TULP4: variants seen among roughly 807,000 people sequenced by gnomAD.
TULP4 encodes the protein tubby-related protein 4.
A neutral mutation model predicts 129.0 loss-of-function variants in TULP4; 16 were observed. That is an observed-to-expected ratio of 0.12 (90% confidence interval 0.08 to 0.19). TULP4 has a LOEUF of 0.19. TULP4 is among the 10% of genes least tolerant of loss of function. The probability of loss-of-function intolerance (pLI) is 1.00; values close to 1 mark genes in which losing one functional copy is unlikely to be tolerated. For missense variants in TULP4, 1,842 were observed against 2,059.1 expected, an observed-to-expected ratio of 0.89 and a Z score of 2.04; for synonymous variants, 998 against 854.0, an observed-to-expected ratio of 1.17 and a Z score of -2.94.
chr6:158,466,937 C>G (rs1463041916), intron 6 of TULP4, among the ~76,000 whole-genome samples: 5 of 152,174 alleles, frequency 3.3e-5, no homozygotes, highest in Admixed American at 3.3e-4. Flanking sequence ...ACCAGTCTTA[C>G]AGCTTTAATT....
At position 158,425,153 on chromosome 6, in the gene TULP4, CAAAAAAAAA is replaced by C. The variant is rs562712423; in HGVS notation, c.382-4564_382-4556del. Among the ~76,000 whole-genome samples the C allele has an allele frequency of 9.5e-4, 38 of 39,804 alleles. 1 individual carries two copies. Among genetic ancestry groups the C allele is most frequent in the Admixed American group, 4.3e-3 (9 of 2,094 alleles). The allele number at this position is 39,804 out of a possible 152,430, so 26.1% of individuals were successfully genotyped here. A position where few individuals can be genotyped will look rare whatever the true frequency, so the allele number is the denominator to read the frequency against. Reference sequence around the variant, plus strand: ...TGGGTGGCAGAGTGAGACACCATCTCAAAAAAAAAAAAAAAAAAAAAAAAAAAGACAATG... The same window carrying C: ...TGGGTGGCAGAGTGAGACACCATCTCAAAAAAAAAAAAAAAAAAGACAATG... On this transcript the variant is annotated intron_variant, in intron 2 of 13. Transcript: ENST00000367097.
chr6:158,442,709 A>T (rs911630661), intron 3 of TULP4, among the ~76,000 whole-genome samples: 1 of 152,196 alleles, frequency 6.6e-6, no homozygotes. Context: ...AATGTTCCAC[A>T]GGACATTTGA....
chr6:158,274,502 C>T (rs565479249), intron 1 of TULP4, among the ~76,000 whole-genome samples: 12 of 151,198 alleles, frequency 7.9e-5, no homozygotes, highest in Admixed American at 5.3e-4. Context: ...GGCGGCCGGG[C>T]GCAGTGGCTC....
intron 6 of TULP4, among the ~76,000 whole-genome samples, chr6:158,463,860 G>A (rs566174955): frequency 2.0e-4 from 30 of 151,596 alleles, no homozygotes; most frequent in Non-Finnish European, 2.1e-4. Context: ...AAAATTTATC[G>A]TCTTAACCAT....
intron 1 of TULP4, among the ~76,000 whole-genome samples, chr6:158,246,016 C>T (rs1778022127): frequency 7.8e-6 from 1 of 127,720 alleles, no homozygotes; most frequent in South Asian, 2.7e-4. Flanking sequence ...TTTGCCTACC[C>T]CTTAGGGGTG....
At chr6:158,490,929 A>G (rs1264698740) in intron 9 of TULP4, among the ~76,000 whole-genome samples, 2 of 152,116 alleles carry the variant, frequency 1.3e-5, no homozygotes, top group Admixed American at 6.5e-5. Context: ...TTACCAATCA[A>G]TGGATATTTG....
chr6:158,324,439 C>T (rs1444420906), intron 1 of TULP4, among the ~76,000 whole-genome samples: 2 of 152,116 alleles, frequency 1.3e-5, no homozygotes, highest in Non-Finnish European at 2.9e-5. Flanking sequence ...AGGGAAGCTT[C>T]CTGCAGAGTC....
intron 2 of TULP4, among the ~76,000 whole-genome samples, chr6:158,427,596 C>T (rs1206860420): frequency 2.1e-5 from 3 of 145,376 alleles, no homozygotes; most frequent in Admixed American, 7.2e-5. Flanking sequence ...CAGGTTCAAG[C>T]GATTCTCCTG....
intron 1 of TULP4, among the ~76,000 whole-genome samples, chr6:158,283,534 G>A (rs1778792311): frequency 6.6e-6 from 1 of 152,136 alleles, no homozygotes; most frequent in Admixed American, 6.5e-5. Flanking sequence ...TTTCCTGTGT[G>A]CTGTTTCCTG....
chr6:158,461,422 A>AAAG lies in TULP4; in HGVS notation c.860-139_860-138insGAA, dbSNP rs751618490. 100 of 881,140 alleles carry AAAG rather than the reference A, an allele frequency of 1.1e-4. 1 individual carries two copies. In the African/African-American group the frequency reaches 1.9e-3, roughly 16 times the overall value. The allele number at this position is 881,140 out of a possible 1,614,324, so 54.6% of individuals were successfully genotyped here. A position where few individuals can be genotyped will look rare whatever the true frequency, so the allele number is the denominator to read the frequency against. Reference sequence around the variant, plus strand: ...GTGAAACTCCGTCTCAAAAAAAAAAAAAAAGGAAAAAACCATGAATATATT... The same window carrying AAAG: ...GTGAAACTCCGTCTCAAAAAAAAAAAAAGAAAAGGAAAAAACCATGAATATATT... On this transcript the variant is annotated intron_variant, in intron 5 of 13. Transcript: ENST00000367097.
chr6:158,354,942 G>A (rs977603175), intron 1 of TULP4, among the ~76,000 whole-genome samples: 12 of 150,568 alleles, frequency 8.0e-5, no homozygotes, highest in African/African-American at 2.7e-4. Context: ...TCATTGTCAA[G>A]TATAAATAAT....
chr6:158,393,944 A>G (rs1026665849), intron 1 of TULP4, among the ~76,000 whole-genome samples: 1 of 152,184 alleles, frequency 6.6e-6, no homozygotes, highest in African/African-American at 2.4e-5. Flanking sequence ...TTTCTACCAC[A>G]TGGCCAGACT....
intron 1 of TULP4, among the ~76,000 whole-genome samples, chr6:158,396,175 C>G (rs1430620772): frequency 6.6e-6 from 1 of 152,168 alleles, no homozygotes; most frequent in South Asian, 2.1e-4. Flanking sequence ...GTGTTTGTAC[C>G]TAGTAAATAT....
chr6:158,502,578 G>T lies in TULP4; in HGVS notation c.2915G>T (p.Arg972Leu), dbSNP rs146885905. ...PEIASQLAQG[R>L]GAAQRSDNSL... ...ATTGCCAGCCAGCTGGCCCAGGGGCGGGGGGCTGCCCAGAGGTCCGACAAT... is the reference window on the plus strand; with the variant it reads ...ATTGCCAGCCAGCTGGCCCAGGGGCTGGGGGCTGCCCAGAGGTCCGACAAT... The change falls in exon 13 of 14, where the codon CGG (arginine) becomes CTG (leucine). Residue 972 changes from arginine (R) to leucine (L), a missense_variant. This residue lies in a region of TULP4 where 1,089 missense variants were observed against 987.1 expected (regional missense o/e 1.10). Transcript: ENST00000367097. 6.2e-7 allele frequency: 1 copy of T among 1,603,856 alleles called. No individual in the cohort carries two copies. Among genetic ancestry groups the T allele is most frequent in the South Asian group, 1.1e-5 (1 of 91,042 alleles).
At chr6:158,498,569 C>A in intron 11 of TULP4, 100 bp from the exon 12 acceptor site, 1 of 1,446,278 alleles carries the variant, frequency 6.9e-7, no homozygotes, top group Admixed American at 1.8e-5. Context: ...CTTCTGATGG[C>A]AGGGAAACTG....
Position 158,502,482 on chromosome 6 carries a change from G to C in TULP4, c.2819G>C (p.Ser940Thr). The change falls in exon 13 of 14, where the codon AGT becomes ACT. Residue 940 changes from serine (S) to threonine (T), a missense_variant. Transcript: ENST00000367097. Reference sequence around the variant, plus strand: ...AAGAAGGTCCCTCAGCCCTGCAGCAGTGCCACCCTGAACCGCCTGACCGTC... The same window carrying C: ...AAGAAGGTCCCTCAGCCCTGCAGCACTGCCACCCTGAACCGCCTGACCGTC... Reference protein sequence around the residue: ...TEKKVPQPCSSATLNRLTVPR... With the variant: ...TEKKVPQPCSTATLNRLTVPR... 1 of 1,613,254 alleles carries C rather than the reference G, an allele frequency of 6.2e-7. No homozygotes were observed. Among genetic ancestry groups the C allele is most frequent in the Non-Finnish European group, 8.5e-7 (1 of 1,179,894 alleles).
At chr6:158,328,112 G>A (rs1779788220) in intron 1 of TULP4, among the ~76,000 whole-genome samples, 1 of 75,296 alleles carries the variant, frequency 1.3e-5, no homozygotes. Context: ...GTGTGTGTGT[G>A]TGTGTGTGTG....
intron 1 of TULP4, among the ~76,000 whole-genome samples, chr6:158,390,492 A>G (rs1777561390): frequency 6.7e-6 from 1 of 150,138 alleles, no homozygotes; most frequent in East Asian, 1.9e-4. Flanking sequence ...TCTTCGAATT[A>G]AAAAAGAAAA....
chr6:158,470,774 G>A (rs945981690), intron 6 of TULP4, among the ~76,000 whole-genome samples: 5 of 152,156 alleles, frequency 3.3e-5, no homozygotes, highest in Admixed American at 6.5e-5. Flanking sequence ...AAGATTTTTC[G>A]TTCATTCAGT....
Sources: gnomAD v4.1 joint callset for allele counts (sites outside exome capture counted in the v4.1 genomes callset) on GRCh38, gnomAD v4.1.1 for gene constraint, gnomAD v4.1.1 regional missense constraint, MANE v1.5 for transcripts, NCBI Gene and HGNC (gene_info 2026-07-23, HGNC 2026-07-21) for gene names.